The following CNNM2 variants were observed in gnomAD, a reference collection of about 807,000 sequenced individuals.
CNNM2 encodes the protein metal transporter CNNM2.
In CNNM2, 12 loss-of-function variants were observed where a neutral mutation model predicts 66.9. The observed-to-expected ratio is 0.18, with a 90% CI of 0.11 to 0.29. CNNM2 has a LOEUF of 0.29. Among genes scored for constraint, CNNM2 ranks in the 10% least tolerant of loss-of-function variants. The pLI is 1.00. For missense variants in CNNM2, 705 were observed against 1,167.7 expected (o/e 0.60, Z 5.77); for synonymous variants, 557 against 501.8 (o/e 1.11, Z -1.47).
intron 1 of CNNM2, among the ~76,000 whole-genome samples, chr10:102,942,799 AAG>A (rs1291825451): frequency 6.6e-6 from 1 of 152,226 alleles, no homozygotes; most frequent in Non-Finnish European, 1.5e-5. Context: ...ATAGTTAACC[AAG>A]TCTAGCTATA....
intron 1 of CNNM2, among the ~76,000 whole-genome samples, chr10:102,971,381 GT>G: frequency 6.6e-6 from 1 of 152,190 alleles, no homozygotes; most frequent in East Asian, 1.9e-4. Flanking sequence ...AAGTGATGCT[GT>G]GTAACATAGA....
At chr10:102,943,625 A>G (rs1405978383) in intron 1 of CNNM2, among the ~76,000 whole-genome samples, 1 of 152,184 alleles carries the variant, frequency 6.6e-6, no homozygotes, top group Non-Finnish European at 1.5e-5. Context: ...ATTACCAACT[A>G]CTACTGTATG....
chr10:103,004,553 G>C (rs1283598891), intron 1 of CNNM2, among the ~76,000 whole-genome samples: 1 of 152,210 alleles, frequency 6.6e-6, no homozygotes, highest in Non-Finnish European at 1.5e-5. Context: ...TGCTTCAGTA[G>C]TTCAAGGGTA....
chr10:103,033,412 A>C (rs1352842709), intron 1 of CNNM2, among the ~76,000 whole-genome samples: 1 of 152,108 alleles, frequency 6.6e-6, no homozygotes, highest in Non-Finnish European at 1.5e-5. Flanking sequence ...GGACAGTCTC[A>C]ATCTCCAGAC....
At chr10:103,012,712 G>C (rs895167723) in intron 1 of CNNM2, among the ~76,000 whole-genome samples, 2 of 147,266 alleles carry the variant, frequency 1.4e-5, no homozygotes, top group Non-Finnish European at 3.0e-5. Flanking sequence ...TGACAAATGA[G>C]TTTTCATTTT....
At position 103,076,209 on chromosome 10, in the gene CNNM2, T is replaced by A. The variant is rs1205534802; in HGVS notation, c.2357T>A (p.Leu786His). ...GSSNNQLNSSLLQVYIPDYSV... is the reference protein window; with the variant it reads ...GSSNNQLNSSHLQVYIPDYSV... The stretch of plus-strand genomic sequence containing the variant: ...AGCAATAACCAGCTCAATTCTTCGC[T>A]CCTCCAAGTCTACATCCCCGATTAC... The change falls in exon 7 of 8, where the codon CTC becomes CAC. Residue 786 changes from leucine to histidine, a missense_variant. Transcript: ENST00000369878. The A allele has an allele frequency of 6.3e-7, 1 of 1,587,286 alleles. No homozygotes were observed. The highest frequency in any genetic ancestry group is 1.8e-5 in the Admixed American group (1 of 55,504).
At chr10:102,999,964 G>A (rs182211486) in intron 1 of CNNM2, among the ~76,000 whole-genome samples, 11 of 152,178 alleles carry the variant, frequency 7.2e-5, no homozygotes, top group African/African-American at 2.2e-4. Flanking sequence ...AGCTGGGCAT[G>A]GTGGCTCATG....
rs7908450 is a variant in CNNM2 at position 102,999,434 on chromosome 10, G to C, written c.1622-50273G>C. 0.84 allele frequency among the ~76,000 whole-genome samples: 128,244 copies of C among 151,900 alleles called. 54,634 individuals carry two copies. Among genetic ancestry groups the C allele is most frequent in the African/African-American group, 0.96 (39,770 of 41,462 alleles). On this transcript the variant is annotated intron_variant, in intron 1 of 7. Transcript: ENST00000369878. ...GGATCTGATAATGAAATTAAGAAAA[G>C]AGTTTTATTTACAATAAAATACTTA... is the stretch of plus-strand genomic sequence containing the variant.
intron 1 of CNNM2, among the ~76,000 whole-genome samples, chr10:102,992,273 CTTTTT>C (rs35281835): frequency 9.2e-6 from 1 of 108,496 alleles, no homozygotes. Flanking sequence ...CTCCAAGTTC[CTTTTT>C]TTTTTTTTTT....
intron 1 of CNNM2, among the ~76,000 whole-genome samples, chr10:102,988,385 G>A (rs1042331655): frequency 3.3e-5 from 5 of 152,086 alleles, no homozygotes; most frequent in African/African-American, 4.8e-5. Flanking sequence ...GTGTTAATAC[G>A]TTTTAGACTG....
At chr10:102,965,168 A>C (rs1055542147) in intron 1 of CNNM2, among the ~76,000 whole-genome samples, 7 of 152,242 alleles carry the variant, frequency 4.6e-5, no homozygotes, top group African/African-American at 1.7e-4. Flanking sequence ...CTGCTATAGC[A>C]GTACAAACTG....
In CNNM2 at chr10:102,928,539, G is replaced by A. The variant is rs375471258; in HGVS notation, c.1621+8438G>A. ...GGAGGTTGCAGTGAGCCGGGATTGC[G>A]CCACTGCACTCCAGCCTGGGCAACA... is the stretch of plus-strand genomic sequence containing the variant. On this transcript the variant is annotated intron_variant, in intron 1 of 7. Coordinates refer to ENST00000369878, the MANE Select transcript of CNNM2 (RefSeq NM_017649.5). 2.7e-5 allele frequency among the ~76,000 whole-genome samples: 4 copies of A among 149,080 alleles called. No homozygotes were observed. In the South Asian group the frequency reaches 6.3e-4, roughly 24 times the overall value.
At chr10:103,009,279 A>G (rs960436469) in intron 1 of CNNM2, among the ~76,000 whole-genome samples, 3 of 152,192 alleles carry the variant, frequency 2.0e-5, no homozygotes, top group African/African-American at 7.2e-5. Context: ...CCGTCTCAAA[A>G]AAAACGGAAA....
intron 1 of CNNM2, among the ~76,000 whole-genome samples, chr10:103,044,212 C>T (rs189065920): frequency 1.0e-3 from 155 of 152,226 alleles, no homozygotes; most frequent in African/African-American, 3.4e-3. Flanking sequence ...TTCCCAGAGT[C>T]GCTTTTCTGC....
chr10:103,008,777 T>TC (rs2064277562), intron 1 of CNNM2, among the ~76,000 whole-genome samples: 1 of 13,758 alleles, frequency 7.3e-5, no homozygotes, highest in Non-Finnish European at 1.5e-4. Flanking sequence ...AGACCCTGTC[T>TC]CAAAAAAAAA....
At chr10:103,008,254 C>T (rs2064266134) in intron 1 of CNNM2, among the ~76,000 whole-genome samples, 1 of 152,000 alleles carries the variant, frequency 6.6e-6, no homozygotes, top group Non-Finnish European at 1.5e-5. Context: ...CACTCAGGAT[C>T]AACTGTGTAA....
At chr10:103,021,687 G>A (rs925941550) in intron 1 of CNNM2, among the ~76,000 whole-genome samples, 2 of 152,082 alleles carry the variant, frequency 1.3e-5, no homozygotes, top group African/African-American at 2.4e-5. Context: ...GCCGAGAGTT[G>A]GACTTCATTG....
At chr10:103,067,075 T>A (rs538782462) in intron 4 of CNNM2, among the ~76,000 whole-genome samples, 6 of 152,154 alleles carry the variant, frequency 3.9e-5, no homozygotes, top group Non-Finnish European at 8.8e-5. Flanking sequence ...AAATGATAGT[T>A]TGCATCAGGT....
intron 1 of CNNM2, among the ~76,000 whole-genome samples, chr10:102,955,104 G>A (rs974265995): frequency 2.6e-5 from 4 of 152,050 alleles, no homozygotes; most frequent in East Asian, 1.9e-4. Flanking sequence ...AGCTGGAGGC[G>A]TCACACTACC....
Sources: allele counts gnomAD v4.1 joint callset (sites outside exome capture counted in the v4.1 genomes callset), GRCh38; gene constraint gnomAD v4.1.1; transcripts MANE v1.5; gene names NCBI Gene and HGNC (gene_info 2026-07-23, HGNC 2026-07-21).